Variants in LMO7 observed in about 807,000 individuals in gnomAD.
The protein encoded by LMO7 is LIM domain only protein 7.
A neutral mutation model predicts 206.5 loss-of-function variants in LMO7; 120 were observed. The ratio of observed to expected loss-of-function variants is 0.58; its 90% CI spans 0.50 to 0.68. The LOEUF is 0.68. Ranked by LOEUF, LMO7 falls within the 30% of genes least tolerant of loss-of-function variation. The pLI is 0.00. For synonymous variants in LMO7, 706 were observed against 681.5 expected (o/e 1.04, Z -0.56); for missense variants, 1,959 against 1,957.9 (o/e 1.00, Z -0.01).
chr13:75,633,841 C>CTT (rs60769000), upstream of LMO7, among the ~76,000 whole-genome samples: 238 of 64,702 alleles, frequency 3.7e-3, no homozygotes, highest in Middle Eastern at 0.012. Flanking sequence ...GTGTCTTTTC[C>CTT]TTTTTTTTTT....
At chr13:75,728,313 A>C (rs1237944499) in intron 3 of LMO7, among the ~76,000 whole-genome samples, 1 of 152,196 alleles carries the variant, frequency 6.6e-6, no homozygotes, top group Non-Finnish European at 1.5e-5. Flanking sequence ...AATGATTGCC[A>C]TTCTAACTGG....
At chr13:75,805,443 C>A (rs776271317) in intron 8 of LMO7, 36 bp from the exon 9 acceptor site, 34 of 1,594,324 alleles carry the variant, frequency 2.1e-5, no homozygotes, top group Non-Finnish European at 2.8e-5. Flanking sequence ...CACAAATGCT[C>A]ATACAGTGTC....
At chr13:75,721,319 T>A (rs948265537) in intron 2 of LMO7, among the ~76,000 whole-genome samples, 16 of 152,326 alleles carry the variant, frequency 1.1e-4, no homozygotes, top group African/African-American at 3.6e-4. Context: ...GGGCAGTGGA[T>A]TTTAATAAAT....
intron 1 of LMO7, among the ~76,000 whole-genome samples, chr13:75,661,457 C>T (rs970053176): frequency 6.6e-6 from 1 of 152,168 alleles, no homozygotes; most frequent in Non-Finnish European, 1.5e-5. Flanking sequence ...GCAGTAAAAC[C>T]TGCTTCAGGG....
At chr13:75,713,666 G>T (rs2043299921) in intron 2 of LMO7, among the ~76,000 whole-genome samples, 1 of 152,068 alleles carries the variant, frequency 6.6e-6, no homozygotes, top group African/African-American at 2.4e-5. Context: ...GATTGGAGTG[G>T]TAGATTTTTC....
upstream of LMO7, among the ~76,000 whole-genome samples, chr13:75,635,382 T>C (rs995942114): frequency 6.6e-6 from 1 of 152,004 alleles, no homozygotes; most frequent in Admixed American, 6.6e-5. Flanking sequence ...AGACCTGATT[T>C]GAGCACTGGT....
At chr13:75,721,613 A>G (rs2044023781) in intron 2 of LMO7, among the ~76,000 whole-genome samples, 1 of 152,152 alleles carries the variant, frequency 6.6e-6, no homozygotes, top group African/African-American at 2.4e-5. Flanking sequence ...ATGATCTCCC[A>G]TTCTGTCCAG....
chr13:75,704,916 A>G (rs893773146), intron 1 of LMO7, among the ~76,000 whole-genome samples: 3 of 152,350 alleles, frequency 2.0e-5, no homozygotes, highest in Non-Finnish European at 4.4e-5. Context: ...AGCTAAAGAA[A>G]TGGGGTTTTT....
At chr13:75,682,508 C>T (rs1455606450) in intron 1 of LMO7, among the ~76,000 whole-genome samples, 2 of 152,038 alleles carry the variant, frequency 1.3e-5, no homozygotes, top group Admixed American at 1.3e-4. Context: ...TCCATGAGTG[C>T]CAAGGGACAG....
intron 1 of LMO7, among the ~76,000 whole-genome samples, chr13:75,656,056 C>G (rs531768648): frequency 6.6e-6 from 1 of 152,126 alleles, no homozygotes. Flanking sequence ...TCTCTACCTC[C>G]TCTCATCCTG....
rs1217517607 is a variant in LMO7, at chr13:75,855,182, TAGC to T, written c.4662-75_4662-73del. The T allele has an allele frequency of 1.5e-5, 12 of 815,692 alleles. 1 individual carries two copies. The highest frequency in any genetic ancestry group is 2.5e-5 in the Non-Finnish European group (12 of 478,898). The allele number at this position is 815,692 out of a possible 1,614,324, so 50.5% of individuals were successfully genotyped here. A position where few individuals can be genotyped will look rare whatever the true frequency, so the allele number is the denominator to read the frequency against. ...TTTCTTAAATTATTATCAGTGTTAA[TAGC>T]AGAGTGTGACTTTTAAAGAAGAATC... On this transcript the variant is annotated intron_variant, in intron 28 of 30. Transcript: ENST00000377534.
intron 4 of LMO7, among the ~76,000 whole-genome samples, chr13:75,763,212 G>A (rs936223853): frequency 5.9e-5 from 9 of 152,094 alleles, no homozygotes; most frequent in Admixed American, 5.9e-4. Context: ...GGGTGAGTGT[G>A]CTACAGGCAT....
intron 1 of LMO7, among the ~76,000 whole-genome samples, chr13:75,647,024 T>C (rs1440506702): frequency 6.6e-6 from 1 of 152,186 alleles, no homozygotes; most frequent in Non-Finnish European, 1.5e-5. Flanking sequence ...ATACTCAGAT[T>C]TCATTGCATT....
In LMO7 at chr13:75,821,625, G is replaced by A. The variant is rs772627074; in HGVS notation, c.2640+16G>A. On this transcript the variant is annotated intron_variant, in intron 14 of 30. Coordinates refer to ENST00000377534, the MANE Select transcript of LMO7 (RefSeq NM_001306080.2). ...ATCTTACACGGTAAAAAATGTTCTCGGTTCATTTAGTCTGTTCTGAAGAGC... is the reference window on the plus strand; with the variant it reads ...ATCTTACACGGTAAAAAATGTTCTCAGTTCATTTAGTCTGTTCTGAAGAGC... 2.7e-5 allele frequency: 43 copies of A among 1,592,260 alleles called. No homozygotes were observed. Among genetic ancestry groups the A allele is most frequent in the South Asian group, 3.4e-5 (3 of 88,080 alleles).
At chr13:75,723,448 A>G (rs540526952) in intron 2 of LMO7, among the ~76,000 whole-genome samples, 47 of 152,292 alleles carry the variant, frequency 3.1e-4, no homozygotes, top group African/African-American at 1.1e-3. Flanking sequence ...ATCTTTGGAA[A>G]TAGGAGCTCA....
At position 75,858,059 on chromosome 13, in the gene LMO7, A is replaced by G. The variant is rs781329794; in HGVS notation, c.*116A>G. ...TTGCTTTTTTTTTAAAAAAAAGAAT[A>G]ACTTTTTTTGCCTCTTTAGATTACA... On this transcript the variant is annotated 3_prime_UTR_variant, in exon 31 of 31. Coordinates refer to ENST00000377534, the MANE Select transcript of LMO7 (RefSeq NM_001306080.2). The G allele has an allele frequency of 3.2e-6, 4 of 1,266,726 alleles. No individual in the cohort carries two copies. The African/African-American group carries it at 4.6e-5, about 15-fold the overall frequency. 78.5% of individuals were successfully genotyped at this position (1,266,726 alleles called of 1,614,324 possible). A position where few individuals can be genotyped will look rare whatever the true frequency, so the allele number is the denominator to read the frequency against.
intron 1 of LMO7, among the ~76,000 whole-genome samples, chr13:75,695,581 G>A (rs575074477): frequency 3.9e-4 from 59 of 152,240 alleles, no homozygotes; most frequent in African/African-American, 1.3e-3. Flanking sequence ...TCTTGACCTC[G>A]TGATCTGCCC....
intron 1 of LMO7, among the ~76,000 whole-genome samples, chr13:75,681,105 G>T (rs111675014): frequency 0.02 from 3,071 of 152,036 alleles, 49 homozygotes; most frequent in Non-Finnish European, 0.03. Flanking sequence ...CTCCCATTCT[G>T]TAGGTTGTCT....
intron 1 of LMO7, among the ~76,000 whole-genome samples, chr13:75,650,440 T>A (rs1363754926): frequency 2.6e-5 from 4 of 152,156 alleles, no homozygotes; most frequent in African/African-American, 7.2e-5. Flanking sequence ...TTTTTTTTTC[T>A]TAATGATACT....
Sources: allele counts gnomAD v4.1 joint callset (sites outside exome capture counted in the v4.1 genomes callset), GRCh38; gene constraint gnomAD v4.1.1; transcripts MANE v1.5; gene names NCBI Gene and HGNC (gene_info 2026-07-23, HGNC 2026-07-21).